LAMC3: variants seen among roughly 807,000 people sequenced by gnomAD.
The protein encoded by LAMC3 is laminin subunit gamma-3.
LAMC3 carries 128 observed loss-of-function variants against 173.8 expected under a neutral mutation model. That is an observed-to-expected ratio of 0.74 (90% confidence interval 0.64 to 0.85). LAMC3 has a LOEUF of 0.85. Among genes scored for constraint, LAMC3 ranks in the 40% least tolerant of loss-of-function variants. LAMC3 has a pLI of 0.00. For synonymous variants in LAMC3, 897 were observed against 909.1 expected (o/e 0.99, Z 0.24); for missense variants, 2,022 against 2,156.0 (o/e 0.94, Z 1.23).
chr9:131,021,897 A>G (rs1833632356), intron 1 of LAMC3, among the ~76,000 whole-genome samples: 1 of 152,188 alleles, frequency 6.6e-6, no homozygotes, highest in African/African-American at 2.4e-5. Context: ...AGGAACGGTG[A>G]AGGGACGGGA....
intron 20 of LAMC3, among the ~76,000 whole-genome samples, chr9:131,074,655 C>T (rs914847250): frequency 6.7e-6 from 1 of 149,060 alleles, no homozygotes; most frequent in African/African-American, 2.5e-5. Context: ...GAGATTACAC[C>T]ACTGCACTCC....
intron 11 of LAMC3, among the ~76,000 whole-genome samples, chr9:131,055,332 G>T (rs765414637): frequency 2.9e-4 from 44 of 151,856 alleles, no homozygotes; most frequent in Admixed American, 5.3e-4. Context: ...CTGTGGGAAG[G>T]TTGATCTGCC....
At position 131,067,095 on chromosome 9, in the gene LAMC3, C is replaced by G. The variant is rs779388832; in HGVS notation, c.2483C>G (p.Ser828Cys). The G allele has an allele frequency of 1.4e-5, 23 of 1,614,070 alleles. 1 individual carries two copies. The highest frequency in any genetic ancestry group is 3.3e-5 in the Admixed American group (2 of 60,012). The stretch of plus-strand genomic sequence containing the variant: ...GCCGTGGGCAACTGTGACCCCCTGT[C>G]TGGCCACTGCCTGCGCTGCCTGCAC... ...PNAVGNCDPLSGHCLRCLHNT... is the reference protein window; with the variant it reads ...PNAVGNCDPLCGHCLRCLHNT... Residue 828 changes from serine to cysteine, a missense_variant, in exon 14 of 28, where the codon TCT (serine) becomes TGT (cysteine). Physicochemically the swap from Ser to Cys is moderately radical, Grantham distance 112. Transcript: ENST00000361069.
chr9:131,085,772 A>C (rs1588171080), intron 25 of LAMC3, 49 bp downstream of exon 25: 1 of 1,570,598 alleles, frequency 6.4e-7, no homozygotes, highest in Non-Finnish European at 8.8e-7. Context: ...TCCCGGGGGG[A>C]CCGCCCTTCC....
At chr9:131,066,014 G>A (rs1035445303) in intron 13 of LAMC3, among the ~76,000 whole-genome samples, 3 of 152,248 alleles carry the variant, frequency 2.0e-5, no homozygotes, top group Non-Finnish European at 2.9e-5. Flanking sequence ...CCAATGTGGC[G>A]AAACCCCATC....
intron 3 of LAMC3, among the ~76,000 whole-genome samples, chr9:131,032,510 C>G (rs1014314384): frequency 6.9e-6 from 1 of 144,038 alleles, no homozygotes; most frequent in Non-Finnish European, 1.5e-5. Context: ...CTCACTCGCT[C>G]TCTCTCTCTT....
In LAMC3 at chr9:131,068,071, C is replaced by T; in HGVS notation, c.2594-7C>T. ...TTCCCAACACCCCTTCCTGCTCCTG[C>T]CCCCAGCTTGCAGCTGTCACCCACA... On this transcript the variant is annotated splice_region_variant and splice_polypyrimidine_tract_variant and intron_variant, in intron 14 of 27. Coordinates refer to ENST00000361069, the MANE Select transcript of LAMC3 (RefSeq NM_006059.4). 1 of 1,609,272 alleles carries T rather than the reference C, an allele frequency of 6.2e-7. No individual in the cohort carries two copies. Among genetic ancestry groups the T allele is most frequent in the East Asian group, 2.2e-5 (1 of 44,874 alleles).
chr9:131,033,173 G>T (rs188812538), intron 3 of LAMC3, among the ~76,000 whole-genome samples: 1 of 152,356 alleles, frequency 6.6e-6, no homozygotes, highest in Admixed American at 6.5e-5. Context: ...AAGTCCCAAG[G>T]CCTGTCTCGC....
At chr9:131,069,963 A>G in intron 17 of LAMC3, 113 bp downstream of exon 17, 1 of 1,118,898 alleles carries the variant, frequency 8.9e-7, no homozygotes. Context: ...CAGGCTTTGC[A>G]AGCCCACCAC....
At chr9:131,031,693 G>A (rs1442115002) in intron 2 of LAMC3, among the ~76,000 whole-genome samples, 1 of 152,182 alleles carries the variant, frequency 6.6e-6, no homozygotes, top group Non-Finnish European at 1.5e-5. Flanking sequence ...CCAAACCTCA[G>A]CTGCTTCCTG....
In LAMC3 at chr9:131,032,598, C is replaced by T. The variant is rs377621968; in HGVS notation, c.809+423C>T. Among the ~76,000 whole-genome samples the T allele has an allele frequency of 1.6e-4, 21 of 134,814 alleles. No individual in the cohort carries two copies. In the South Asian group the frequency reaches 3.7e-3, roughly 24 times the overall value. 88.4% of individuals were successfully genotyped at this position (134,814 alleles called of 152,430 possible). A position where few individuals can be genotyped will look rare whatever the true frequency, so the allele number is the denominator to read the frequency against. On this transcript the variant is annotated intron_variant, in intron 3 of 27. Coordinates refer to ENST00000361069, the MANE Select transcript of LAMC3 (RefSeq NM_006059.4). ...TCTCTCGCTTGCTCTCTTTCTCACTCGCTTTCTCTCTCTCTCTCTCTCTCT... is the reference window on the plus strand; with the variant it reads ...TCTCTCGCTTGCTCTCTTTCTCACTTGCTTTCTCTCTCTCTCTCTCTCTCT...
In LAMC3 at chr9:131,077,248, G is replaced by T. The variant is rs781285633; in HGVS notation, c.3691G>T (p.Glu1231Ter). 2 of 1,614,028 alleles carry T rather than the reference G, an allele frequency of 1.2e-6. No homozygotes were observed. The highest frequency in any genetic ancestry group is 1.7e-6 in the Non-Finnish European group (2 of 1,180,028). ...GACGGCTGTGGCAGAGGTGCTGCCTGAAGCGGAAAGCGTGTTGGCCACCGT... is the reference window on the plus strand; with the variant it reads ...GACGGCTGTGGCAGAGGTGCTGCCTTAAGCGGAAAGCGTGTTGGCCACCGT... ...LRTAVAEVLP[E>*]AESVLATVQQ... is the part of the protein sequence containing the mutation. Residue 1231 changes from glutamate to a stop codon, truncating the protein, a stop_gained, in exon 22 of 28, where the codon GAA (glutamate) becomes TAA (stop). Transcript: ENST00000361069. LOFTEE classifies it high-confidence loss of function.
At chr9:131,069,993 AC>A in intron 17 of LAMC3, 143 bp downstream of exon 17, 2 of 867,540 alleles carry the variant, frequency 2.3e-6, no homozygotes, top group Non-Finnish European at 3.7e-6. Context: ...CCCTGTGCCC[AC>A]CCAGCTTCAG....
chr9:131,075,680 G>C, intron 20 of LAMC3, 151 bp from the exon 21 acceptor site: 1 of 799,290 alleles, frequency 1.3e-6, no homozygotes, highest in African/African-American at 1.7e-5. Flanking sequence ...CTTGAAGTGC[G>C]TAACACAGAA....
chr9:131,065,031 A>G (rs1049052990), intron 13 of LAMC3, among the ~76,000 whole-genome samples: 2 of 122,130 alleles, frequency 1.6e-5, no homozygotes, highest in South Asian at 2.9e-4. Flanking sequence ...ACAGAACAAG[A>G]CTCCATCTAA....
chr9:131,068,256 C>T, intron 15 of LAMC3, 25 bp downstream of exon 15: 1 of 1,601,506 alleles, frequency 6.2e-7, no homozygotes, highest in Non-Finnish European at 8.5e-7. Context: ...ACTGCCGGTG[C>T]CCTGGGGACC....
In LAMC3 at chr9:131,068,243, G is replaced by A. The variant is rs1829976409; in HGVS notation, c.2747+12G>A. 1 of 1,605,938 alleles carries A rather than the reference G, an allele frequency of 6.2e-7. No homozygotes were observed. Among genetic ancestry groups the A allele is most frequent in the Non-Finnish European group, 8.5e-7 (1 of 1,176,280 alleles). ...AGGGGCTGCCGGAGGTAGGTAGGGT[G>A]AGACTGCCGGTGCCCTGGGGACCTC... On this transcript the variant is annotated intron_variant, in intron 15 of 27. Transcript: ENST00000361069.
At chr9:131,069,364 G>A (rs1403002272) in intron 16 of LAMC3, among the ~76,000 whole-genome samples, 2 of 152,180 alleles carry the variant, frequency 1.3e-5, no homozygotes, top group Non-Finnish European at 2.9e-5. Context: ...GTGCCTGTGT[G>A]CCTGGGGCCA....
At chr9:131,035,070 C>T (rs940428329) in intron 3 of LAMC3, among the ~76,000 whole-genome samples, 1 of 152,180 alleles carries the variant, frequency 6.6e-6, no homozygotes, top group Non-Finnish European at 1.5e-5. Context: ...CCTGCTTCAG[C>T]CTCCTGAGTA....
Sources: gnomAD v4.1 joint callset for allele counts (sites outside exome capture counted in the v4.1 genomes callset) on GRCh38, gnomAD v4.1.1 for gene constraint, MANE v1.5 for transcripts, NCBI Gene and HGNC (gene_info 2026-07-23, HGNC 2026-07-21) for gene names.